The following LZTS1 variants were observed in gnomAD, a reference collection of about 807,000 sequenced individuals.
LZTS1 encodes the protein leucine zipper tumor suppressor 1.
LZTS1 carries 31 observed loss-of-function variants against 45.8 expected under a neutral mutation model. The ratio of observed to expected loss-of-function variants is 0.68; its 90% CI spans 0.51 to 0.91. The LOEUF (loss-of-function observed/expected upper bound fraction) is 0.91. Among genes scored for constraint, LZTS1 ranks in the 40% least tolerant of loss-of-function variants. LZTS1 has a pLI of 0.00. For synonymous variants in LZTS1, 359 were observed against 357.3 expected (o/e 1.00, Z -0.05); for missense variants, 821 against 788.9 (o/e 1.04, Z -0.49).
At chr8:20,261,456 G>T (rs1448668834) in intron 1 of LZTS1, among the ~76,000 whole-genome samples, 2 of 152,228 alleles carry the variant, frequency 1.3e-5, no homozygotes, top group East Asian at 3.9e-4. Flanking sequence ...GCTCCACCAG[G>T]ACGGGGAGGG....
Position 20,250,050 on chromosome 8 carries a change from A to G in LZTS1, c.1463T>C (p.Met488Thr), listed in dbSNP as rs777625851. Residue 488 changes from methionine (M) to threonine (T), a missense_variant, in exon 4 of 4, where the codon ATG becomes ACG. Transcript: ENST00000381569. ...LRAQAALARD[M>T]GPPTFPEDVP... Reference sequence around the variant, plus strand: ...GTCCTCGGGGAAGGTGGGCGGCCCCATGTCGCGGGCCAGGGCGGCCTGGGC... The same window carrying G: ...GTCCTCGGGGAAGGTGGGCGGCCCCGTGTCGCGGGCCAGGGCGGCCTGGGC... The G allele has an allele frequency of 1.9e-6, 3 of 1,608,518 alleles. No individual in the cohort carries two copies. Among genetic ancestry groups the G allele is most frequent in the East Asian group, 4.5e-5 (2 of 44,828 alleles).
chr8:20,264,543 G>A (rs1800309502), intron 1 of LZTS1, among the ~76,000 whole-genome samples: 1 of 152,182 alleles, frequency 6.6e-6, no homozygotes, highest in African/African-American at 2.4e-5. Context: ...GGGGAGGGGA[G>A]GAGAAGTTGC....
At chr8:20,281,405 CA>C (rs57769805) in intron 1 of LZTS1, among the ~76,000 whole-genome samples, 91,863 of 133,666 alleles carry the variant, frequency 0.69, 30,214 homozygotes, top group Middle Eastern at 0.79. Flanking sequence ...ACTAAAAATA[CA>C]AAAAAAAAAA....
chr8:20,268,391 G>A (rs115192126), intron 1 of LZTS1, among the ~76,000 whole-genome samples: 297 of 151,912 alleles, frequency 2.0e-3, no homozygotes, highest in African/African-American at 7.0e-3. Flanking sequence ...CCCCTTTTAT[G>A]ATGATTCTCC....
intron 1 of LZTS1, among the ~76,000 whole-genome samples, chr8:20,272,266 C>T (rs1217501078): frequency 1.3e-5 from 2 of 152,178 alleles, no homozygotes; most frequent in Non-Finnish European, 2.9e-5. Flanking sequence ...CCACGATGTG[C>T]AGCTGCTGAT....
chr8:20,280,721 C>T (rs1305283751), intron 1 of LZTS1, among the ~76,000 whole-genome samples: 3 of 152,158 alleles, frequency 2.0e-5, no homozygotes, highest in Non-Finnish European at 4.4e-5. Context: ...CAGTTCCCTT[C>T]CTTAAAGCAC....
In LZTS1 at chr8:20,298,510, G is replaced by A. The variant is rs573433907; in HGVS notation, c.-135+5230C>T. On this transcript the variant is annotated intron_variant, in intron 1 of 3. Transcript: ENST00000381569. ...GTAAAGTCCTGTACAAGTAAAAAGC[G>A]CTATTGAAATCACCATTAAGGAAGT... 2.6e-5 allele frequency among the ~76,000 whole-genome samples: 4 copies of A among 152,114 alleles called. No individual in the cohort carries two copies. The South Asian group carries it at 6.2e-4, about 24-fold the overall frequency.
chr8:20,292,793 C>T (rs936641544), intron 1 of LZTS1, among the ~76,000 whole-genome samples: 6 of 152,278 alleles, frequency 3.9e-5, no homozygotes, highest in South Asian at 2.1e-4. Context: ...CCCCACAGCA[C>T]GTTAGTAGAA....
At chr8:20,272,494 T>C (rs1800493567) in intron 1 of LZTS1, among the ~76,000 whole-genome samples, 1 of 152,170 alleles carries the variant, frequency 6.6e-6, no homozygotes, top group African/African-American at 2.4e-5. Flanking sequence ...CATGGAACTC[T>C]TTTTTGAGCC....
At chr8:20,268,235 C>A (rs1488943723) in intron 1 of LZTS1, among the ~76,000 whole-genome samples, 2 of 140,872 alleles carry the variant, frequency 1.4e-5, no homozygotes, top group Non-Finnish European at 3.1e-5. Flanking sequence ...GCTGCTCTTG[C>A]AGAGATGTGA....
chr8:20,287,249 A>G (rs759630409), intron 1 of LZTS1, among the ~76,000 whole-genome samples: 1 of 150,016 alleles, frequency 6.7e-6, no homozygotes, highest in Non-Finnish European at 1.5e-5. Flanking sequence ...GTTCCTAAAC[A>G]CCATCTCCTG....
At chr8:20,273,847 T>C (rs1197158468) in intron 1 of LZTS1, among the ~76,000 whole-genome samples, 1 of 152,128 alleles carries the variant, frequency 6.6e-6, no homozygotes, top group Non-Finnish European at 1.5e-5. Flanking sequence ...TGTCCTAACA[T>C]GGCAGAGAAG....
chr8:20,251,098 AATATATATATATATATATATATATATAT>A (rs527759585), intron 3 of LZTS1, among the ~76,000 whole-genome samples: 31 of 41,398 alleles, frequency 7.5e-4, no homozygotes, highest in African/African-American at 1.7e-3. Flanking sequence ...CCTGAGGGCT[AATATATATATATATATATATATATATAT>A]ATATATATAT....
chr8:20,290,538 T>G (rs945409913), intron 1 of LZTS1: 1 of 152,236 alleles, frequency 6.6e-6, no homozygotes, highest in Non-Finnish European at 1.5e-5. Flanking sequence ...CATCTTCTTC[T>G]CAGCCCACCC....
chr8:20,250,666 G>A (rs773721018), intron 3 of LZTS1, among the ~76,000 whole-genome samples: 10 of 152,112 alleles, frequency 6.6e-5, no homozygotes, highest in African/African-American at 1.7e-4. Flanking sequence ...GTGTAGTGGC[G>A]TGATCTTGGC....
intron 1 of LZTS1, among the ~76,000 whole-genome samples, chr8:20,270,202 G>A (rs1800444520): frequency 6.6e-6 from 1 of 152,280 alleles, no homozygotes; most frequent in Non-Finnish European, 1.5e-5. Context: ...CACTCAGCAA[G>A]GCAGGGGCAG....
At position 20,259,390 on chromosome 8, in the gene LZTS1, C is replaced by T. The variant is rs117112867; in HGVS notation, c.-134-4075G>A. On this transcript the variant is annotated intron_variant, in intron 1 of 3. Coordinates refer to ENST00000381569, the MANE Select transcript of LZTS1 (RefSeq NM_021020.5). ...GAGGCTATTGACAGTATCAGTGCAT[C>T]GGTGCTAAATGAATCTGTTTATGGT... 1.8e-4 allele frequency among the ~76,000 whole-genome samples: 27 copies of T among 152,284 alleles called. No homozygotes were observed. The East Asian group carries it at 5.0e-3, about 28-fold the overall frequency.
At chr8:20,279,176 GTC>G (rs1800639405) in intron 1 of LZTS1, among the ~76,000 whole-genome samples, 1 of 152,182 alleles carries the variant, frequency 6.6e-6, no homozygotes, top group African/African-American at 2.4e-5. Context: ...TTGCTGCCTT[GTC>G]TGTCATTGTA....
intron 1 of LZTS1, among the ~76,000 whole-genome samples, chr8:20,285,731 A>C (rs1800781992): frequency 6.6e-6 from 1 of 152,222 alleles, no homozygotes; most frequent in African/African-American, 2.4e-5. Context: ...AAGAATAACC[A>C]AGACCATTTG....
Sources: allele counts gnomAD v4.1 joint callset (sites outside exome capture counted in the v4.1 genomes callset), GRCh38; gene constraint gnomAD v4.1.1; transcripts MANE v1.5; gene names NCBI Gene and HGNC (gene_info 2026-07-23, HGNC 2026-07-21).